Variants in DNAH1 observed in about 807,000 individuals in gnomAD.
DNAH1 encodes axonemal beta dynein heavy chain 1.
A neutral mutation model predicts 484.3 loss-of-function variants in DNAH1; 327 were observed. The ratio of observed to expected loss-of-function variants is 0.68; its 90% CI spans 0.62 to 0.74. The LOEUF is 0.74. Among genes scored for constraint, DNAH1 ranks in the 30% least tolerant of loss-of-function variants. The pLI, the probability that DNAH1 is intolerant of heterozygous loss-of-function variation, is 0.00. For missense variants in DNAH1, 5,052 were observed against 5,546.8 expected (o/e 0.91, Z 2.83); for synonymous variants, 2,192 against 2,191.9 (o/e 1.00, Z 0.00).
At chr3:52,385,568 G>A (rs1214204907) in intron 54 of DNAH1, 121 bp downstream of exon 54, 11 of 755,404 alleles carry the variant, frequency 1.5e-5, no homozygotes, top group Non-Finnish European at 1.1e-5. Context: ...GTGTGCCCCA[G>A]CTTCCTCAAT....
chr3:52,386,790 G>A lies in DNAH1; in HGVS notation c.8940G>A (p.Glu2980=), dbSNP rs767756797. The A allele has an allele frequency of 1.3e-6, 2 of 1,592,196 alleles. No individual in the cohort carries two copies. The highest frequency in any genetic ancestry group is 2.3e-5 in the East Asian group (1 of 43,908). ...GCACCAAGGTGGATGACTACTGGGAGCCTGGCAAGGGGCTGCTGCAGGACC... is the reference window on the plus strand; with the variant it reads ...GCACCAAGGTGGATGACTACTGGGAACCTGGCAAGGGGCTGCTGCAGGACC... ...KPGTKVDDYW[E]PGKGLLQDPG... Residue 2980 remains glutamate (E), a synonymous_variant, in exon 56 of 78, where the codon GAG becomes GAA. Transcript: ENST00000420323.
At chr3:52,366,651 T>C (rs919587395) in intron 35 of DNAH1, 82 bp from the exon 36 acceptor site, 1 of 1,556,928 alleles carries the variant, frequency 6.4e-7, no homozygotes, top group South Asian at 1.2e-5. Flanking sequence ...TGGCATAGAA[T>C]ACCCCTCCCC....
At chr3:52,317,101 T>C (rs1700974615) in intron 1 of DNAH1, among the ~76,000 whole-genome samples, 1 of 152,216 alleles carries the variant, frequency 6.6e-6, no homozygotes, top group South Asian at 2.1e-4. Context: ...ATATGTATAA[T>C]TTTTGCTGAA....
At chr3:52,334,240 T>G (rs1559497529) in intron 8 of DNAH1, among the ~76,000 whole-genome samples, 1 of 152,142 alleles carries the variant, frequency 6.6e-6, no homozygotes. Context: ...CAAGTATTCA[T>G]GTATCTAAAC....
In DNAH1 at chr3:52,381,481, C is replaced by G. The variant is rs535569805; in HGVS notation, c.7609-159C>G. 1.3e-5 allele frequency among the ~76,000 whole-genome samples: 2 copies of G among 151,470 alleles called. No homozygotes were observed. Among genetic ancestry groups the G allele is most frequent in the African/African-American group, 2.4e-5 (1 of 41,206 alleles). ...TGTCTGGGAATGTTCAGCTTGGGCT[C>G]GAGCCTGCAGGGGAAACATGCAGCT... On this transcript the variant is annotated intron_variant, in intron 48 of 77. Coordinates refer to ENST00000420323, the MANE Select transcript of DNAH1 (RefSeq NM_015512.5). This position sits in a 1 kb window ranked among gnomAD's most constrained non-coding sequence, Gnocchi z 4.1.
chr3:52,398,973 G>A lies in DNAH1; in HGVS notation c.12213G>A (p.Val4071=), dbSNP rs1191319936. 6.2e-7 allele frequency: 1 copy of A among 1,613,964 alleles called. No individual in the cohort carries two copies. The highest frequency in any genetic ancestry group is 2.2e-5 in the East Asian group (1 of 44,876). Residue 4071 remains valine, a synonymous_variant, in exon 76 of 78, where the codon GTG becomes GTA. Transcript: ENST00000420323. ...LMAASLYNNT[V]PELWSAKAYP... is the part of the protein sequence containing the mutation. ...CTGCCAGCCTGTACAACAATACTGT[G>A]CCTGAGCTCTGGAGTGCCAAGGCCT...
chr3:52,344,709 C>G, intron 9 of DNAH1, 62 bp downstream of exon 9: 15 of 1,531,422 alleles, frequency 9.8e-6, no homozygotes, highest in Non-Finnish European at 1.2e-5. Flanking sequence ...CCCCCTCCCA[C>G]CTTCCCCTCC....
intron 3 of DNAH1, among the ~76,000 whole-genome samples, chr3:52,325,233 G>T (rs1340991039): frequency 6.6e-6 from 1 of 152,152 alleles, no homozygotes; most frequent in East Asian, 1.9e-4. Flanking sequence ...GGTGGCCTCT[G>T]TGGGACCCCA....
rs767146059 is a variant in DNAH1, at chr3:52,386,126, G to A, written c.8626-34G>A. ...AGACTAAGATGCAGAGAAGAGAAAAGGGGGGAGGACATCCCTATGTCTCCC... is the reference window on the plus strand; with the variant it reads ...AGACTAAGATGCAGAGAAGAGAAAAAGGGGGAGGACATCCCTATGTCTCCC... On this transcript the variant is annotated intron_variant, in intron 54 of 77. Transcript: ENST00000420323. 8.2e-6 allele frequency: 13 copies of A among 1,589,098 alleles called. No individual in the cohort carries two copies. In the South Asian group the frequency reaches 9.1e-5, roughly 11 times the overall value.
chr3:52,378,633 G>C lies in DNAH1; in HGVS notation c.7230G>C (p.Glu2410Asp), dbSNP rs745674705. ...PGAPHIAHFT[E>D]PLVEATIMVY... is the part of the protein sequence containing the mutation. ...CCCCCCACATTGCCCACTTCACGGA[G>C]CCCCTTGTGGAAGCCACCATCATGG... The change falls in exon 47 of 78, where the codon GAG becomes GAC. Residue 2410 changes from glutamate to aspartate, a missense_variant. Coordinates refer to ENST00000420323, the MANE Select transcript of DNAH1 (RefSeq NM_015512.5). 9 of 1,613,602 alleles carry C rather than the reference G, an allele frequency of 5.6e-6. No individual in the cohort carries two copies. Among genetic ancestry groups the C allele is most frequent in the Non-Finnish European group, 7.6e-6 (9 of 1,179,812 alleles).
rs373532178 is a variant in DNAH1, at chr3:52,350,496, C to A, written c.2647-12C>A. ...GCACACGTGAAGTTCTCATTACCAC[C>A]TGTCTGTGCAGGAGCGGATTGTGAA... On this transcript the variant is annotated splice_polypyrimidine_tract_variant and intron_variant, in intron 15 of 77. Transcript: ENST00000420323. 7.2e-5 allele frequency: 116 copies of A among 1,613,134 alleles called. No homozygotes were observed. Among genetic ancestry groups the A allele is most frequent in the Admixed American group, 1.0e-4 (6 of 59,936 alleles).
At position 52,380,209 on chromosome 3, in the gene DNAH1, T is replaced by G; in HGVS notation, c.7608+74T>G. 7 of 1,310,594 alleles carry G rather than the reference T, an allele frequency of 5.3e-6. No homozygotes were observed. In the South Asian group the frequency reaches 5.4e-5, roughly 10 times the overall value. 81.2% of individuals were successfully genotyped at this position (1,310,594 alleles called of 1,614,324 possible). A position where few individuals can be genotyped will look rare whatever the true frequency, so the allele number is the denominator to read the frequency against. ...CTGCCTCCCTGGGGCCCAGGCCCCCTGCAGTCACCACTAACAGACTACCAC... is the reference window on the plus strand; with the variant it reads ...CTGCCTCCCTGGGGCCCAGGCCCCCGGCAGTCACCACTAACAGACTACCAC... On this transcript the variant is annotated intron_variant, in intron 48 of 77. Transcript: ENST00000420323.
At chr3:52,376,800 C>G (rs1703624192) in intron 46 of DNAH1, among the ~76,000 whole-genome samples, 2 of 151,734 alleles carry the variant, frequency 1.3e-5, no homozygotes, top group Admixed American at 1.3e-4. Context: ...GCCCTCCCCT[C>G]CCACTTTCCT....
At chr3:52,317,081 A>G (rs563393287) in intron 1 of DNAH1, among the ~76,000 whole-genome samples, 10 of 152,214 alleles carry the variant, frequency 6.6e-5, no homozygotes, top group African/African-American at 2.2e-4. Flanking sequence ...TTATCTAGCT[A>G]TGCTTACCTA....
rs528284928 is a variant in DNAH1, at chr3:52,352,030, A to G, written c.2798A>G (p.Glu933Gly). 1.3e-6 allele frequency: 2 copies of G among 1,596,944 alleles called. No homozygotes were observed. The highest frequency in any genetic ancestry group is 1.7e-6 in the Non-Finnish European group (2 of 1,171,892). Residue 933 changes from glutamate (E) to glycine (G), a missense_variant, in exon 17 of 78, where the codon GAG (glutamate) becomes GGG (glycine). Transcript: ENST00000420323. ...GAGCTGGTGCAGCAGCAGCATGTGG[A>G]GGATGAGGAGAAGTTCCGCAAAATC... ...QIELVQQQHV[E>G]DEEKFRKIQI...
chr3:52,368,972 G>A lies in DNAH1; in HGVS notation c.5943+54G>A. ...TCCTCCAAGGCTGGGTGGGCCTGGA[G>A]GCTGCATCATGCTGGCCAAACTCTG... On this transcript the variant is annotated intron_variant, in intron 37 of 77. Transcript: ENST00000420323. The surrounding 1 kb of genome is among the most constrained non-coding windows in gnomAD (Gnocchi z 4.4). 1 of 1,591,278 alleles carries A rather than the reference G, an allele frequency of 6.3e-7. No homozygotes were observed. The highest frequency in any genetic ancestry group is 8.6e-7 in the Non-Finnish European group (1 of 1,162,462).
chr3:52,362,503 C>T lies in DNAH1; in HGVS notation c.5094+2C>T, dbSNP rs1578143757. 6.2e-7 allele frequency: 1 copy of T among 1,612,412 alleles called. No individual in the cohort carries two copies. The highest frequency in any genetic ancestry group is 8.5e-7 in the Non-Finnish European group (1 of 1,179,266). ...ACGGAGCTGCCTGACAATCTGAAGG[C>T]AAGTGCAGGCCCAGAGTGGCCCAGG... On this transcript the variant is annotated splice_donor_variant, in intron 31 of 77. Transcript: ENST00000420323. LOFTEE classifies it low-confidence loss of function (GC_TO_GT_DONOR). This position sits in a 1 kb window ranked among gnomAD's most constrained non-coding sequence, Gnocchi z 5.1.
At chr3:52,336,202 T>C (rs756418153) in intron 8 of DNAH1, among the ~76,000 whole-genome samples, 4 of 152,206 alleles carry the variant, frequency 2.6e-5, no homozygotes, top group Non-Finnish European at 5.9e-5. Flanking sequence ...ACATCCAGAA[T>C]GGTGATTCCT....
At chr3:52,390,763 G>A (rs1274068049) in intron 60 of DNAH1, among the ~76,000 whole-genome samples, 172 bp from the exon 61 acceptor site, 1 of 152,184 alleles carries the variant, frequency 6.6e-6, no homozygotes, top group African/African-American at 2.4e-5. Context: ...GGAGAGGCGG[G>A]AGTCCTGGGG....
Sources: gnomAD v4.1 joint callset for allele counts (sites outside exome capture counted in the v4.1 genomes callset) on GRCh38, gnomAD v4.1.1 for gene constraint, Gnocchi (gnomAD v3.1) non-coding constraint, MANE v1.5 for transcripts, NCBI Gene and HGNC (gene_info 2026-07-23, HGNC 2026-07-21) for gene names.